Variants in DNAH11 observed in about 807,000 individuals in gnomAD.
The protein encoded by DNAH11 is dynein axonemal heavy chain 11, also known as axonemal beta dynein heavy chain 11.
DNAH11 carries 442 observed loss-of-function variants against 526.0 expected under a neutral mutation model. The ratio of observed to expected loss-of-function variants is 0.84; its 90% CI spans 0.78 to 0.91. The LOEUF (loss-of-function observed/expected upper bound fraction) is 0.91. Ranked by LOEUF, DNAH11 falls within the 40% of genes least tolerant of loss-of-function variation. The pLI, the probability that DNAH11 is intolerant of heterozygous loss-of-function variation, is 0.00. For synonymous variants in DNAH11, 2,461 were observed against 1,935.9 expected (o/e 1.27, Z -7.12); for missense variants, 6,989 against 5,448.7 (o/e 1.28, Z -8.90).
chr7:21,630,501 G>T (rs1260487964), intron 25 of DNAH11, among the ~76,000 whole-genome samples: 1 of 152,150 alleles, frequency 6.6e-6, no homozygotes, highest in African/African-American at 2.4e-5. Flanking sequence ...AAACTATTCT[G>T]GTGGTGGCGA....
intron 79 of DNAH11, among the ~76,000 whole-genome samples, chr7:21,895,685 C>T (rs760399909): frequency 5.9e-5 from 9 of 152,126 alleles, no homozygotes; most frequent in Non-Finnish European, 8.8e-5. Context: ...TGTACCATTC[C>T]TATTATTTTA....
At position 21,717,764 on chromosome 7, in the gene DNAH11, T is replaced by A; in HGVS notation, c.6984-11T>A. On this transcript the variant is annotated splice_polypyrimidine_tract_variant and intron_variant, in intron 42 of 81. Transcript: ENST00000409508. ...AGTGTTCAATAAAAGCTTTTCTGTG[T>A]TCCTTTTCAGGTATGTGGCCAGTTG... 6.2e-7 allele frequency: 1 copy of A among 1,613,658 alleles called. No individual in the cohort carries two copies. The highest frequency in any genetic ancestry group is 8.5e-7 in the Non-Finnish European group (1 of 1,179,732).
At chr7:21,692,448 T>G (rs1161343083) in intron 35 of DNAH11, among the ~76,000 whole-genome samples, 1 of 152,230 alleles carries the variant, frequency 6.6e-6, no homozygotes, top group East Asian at 1.9e-4. Context: ...TGTGTCTGGC[T>G]TCTTTGAGCA....
chr7:21,589,508 G>A lies in DNAH11; in HGVS notation c.2169+105G>A, dbSNP rs1015228209. ...AATTTACATTTGGGAAAATGTCAGAGTTGTGAGGACTGTAACTGTAAACAA... is the reference window on the plus strand; with the variant it reads ...AATTTACATTTGGGAAAATGTCAGAATTGTGAGGACTGTAACTGTAAACAA... On this transcript the variant is annotated intron_variant, in intron 12 of 81. Coordinates refer to ENST00000409508, the MANE Select transcript of DNAH11 (RefSeq NM_001277115.2). 31 of 980,928 alleles carry A rather than the reference G, an allele frequency of 3.2e-5. No homozygotes were observed. In the South Asian group the frequency reaches 5.4e-4, roughly 17 times the overall value. The allele number at this position is 980,928 out of a possible 1,614,324, so 60.8% of individuals were successfully genotyped here. A position where few individuals can be genotyped will look rare whatever the true frequency, so the allele number is the denominator to read the frequency against.
intron 27 of DNAH11, among the ~76,000 whole-genome samples, chr7:21,638,607 T>C (rs558459401): frequency 1.0e-3 from 159 of 152,236 alleles, no homozygotes; most frequent in Non-Finnish European, 1.6e-3. Context: ...CCTAGTCTTC[T>C]CCACTGCTGT....
intron 63 of DNAH11, among the ~76,000 whole-genome samples, chr7:21,809,213 T>C (rs1789402382): frequency 6.6e-6 from 1 of 152,210 alleles, no homozygotes; most frequent in Non-Finnish European, 1.5e-5. Flanking sequence ...AAGAACTTTG[T>C]CCATTTTACG....
Position 21,690,835 on chromosome 7 carries a change from T to G in DNAH11, c.5995T>G (p.Tyr1999Asp). 1 of 1,612,876 alleles carries G rather than the reference T, an allele frequency of 6.2e-7. No individual in the cohort carries two copies. Among genetic ancestry groups the G allele is most frequent in the African/African-American group, 1.3e-5 (1 of 75,016 alleles). The change falls in exon 35 of 82, where the codon TAT becomes GAT. Residue 1999 changes from tyrosine to aspartate, a missense_variant. Coordinates refer to ENST00000409508, the MANE Select transcript of DNAH11 (RefSeq NM_001277115.2). ...VGIFITMNPG[Y>D]AGRTELPENL... ...AATATTTATTACTATGAACCCGGGT[T>G]ATGCTGGTCGAACCGAATTACCGGA...
chr7:21,788,004 C>T (rs536570314), intron 60 of DNAH11, among the ~76,000 whole-genome samples: 20 of 152,292 alleles, frequency 1.3e-4, no homozygotes, highest in African/African-American at 2.6e-4. Context: ...ATAACCATTT[C>T]TTTGCTTTAG....
chr7:21,551,664 C>G (rs1783028360), intron 2 of DNAH11, among the ~76,000 whole-genome samples: 1 of 152,190 alleles, frequency 6.6e-6, no homozygotes, highest in Non-Finnish European at 1.5e-5. Flanking sequence ...GCCATTATGT[C>G]TCTTGCCATC....
At chr7:21,877,392 T>A (rs1210017475) in intron 74 of DNAH11, among the ~76,000 whole-genome samples, 1 of 152,138 alleles carries the variant, frequency 6.6e-6, no homozygotes, top group East Asian at 1.9e-4. Context: ...AAATCCATAT[T>A]TTTAATCTTT....
chr7:21,869,274 CAGT>C (rs1319203514), intron 73 of DNAH11, among the ~76,000 whole-genome samples: 3 of 152,168 alleles, frequency 2.0e-5, no homozygotes, highest in Non-Finnish European at 4.4e-5. Flanking sequence ...CTGGAACACT[CAGT>C]AGTGCCTGAG....
chr7:21,610,847 G>T (rs747745509), intron 20 of DNAH11, among the ~76,000 whole-genome samples: 2 of 152,192 alleles, frequency 1.3e-5, no homozygotes, highest in Non-Finnish European at 2.9e-5. Context: ...ATATAAAAGA[G>T]CCTAAGGGAC....
intron 8 of DNAH11, among the ~76,000 whole-genome samples, chr7:21,573,020 G>A (rs944119399): frequency 6.6e-6 from 1 of 152,204 alleles, no homozygotes; most frequent in Non-Finnish European, 1.5e-5. Flanking sequence ...TGGAGGAGGA[G>A]TGTGAGACTG....
chr7:21,658,919 C>T lies in DNAH11; in HGVS notation c.5216C>T (p.Ala1739Val), dbSNP rs1357757602. Reference protein sequence around the residue: ...PRELWIFDFPAQVALTSSQIW... With the variant: ...PRELWIFDFPVQVALTSSQIW... ...GAACTGTGGATTTTTGATTTCCCAG[C>T]TCAGGTTGCACTAACCAGCTCACAA... Residue 1739 changes from alanine to valine, a missense_variant, in exon 30 of 82, where the codon GCT (alanine) becomes GTT (valine). Transcript: ENST00000409508. The T allele has an allele frequency of 1.9e-6, 3 of 1,610,340 alleles. No individual in the cohort carries two copies. The African/African-American group carries it at 4.0e-5, about 22-fold the overall frequency.
At chr7:21,692,307 A>G (rs1783665693) in intron 35 of DNAH11, among the ~76,000 whole-genome samples, 1 of 152,206 alleles carries the variant, frequency 6.6e-6, no homozygotes, top group East Asian at 1.9e-4. Flanking sequence ...GAATATTTCC[A>G]CACCCCCAGA....
In DNAH11 at chr7:21,667,769, G is replaced by A. The variant is rs118054881; in HGVS notation, c.5328+8738G>A. Reference sequence around the variant, plus strand: ...CCCTGTAAGAGATTTTAAAATGACTGTGTACGTATGTGATTTTTTTTGCTA... The same window carrying A: ...CCCTGTAAGAGATTTTAAAATGACTATGTACGTATGTGATTTTTTTTGCTA... On this transcript the variant is annotated intron_variant, in intron 30 of 81. Coordinates refer to ENST00000409508, the MANE Select transcript of DNAH11 (RefSeq NM_001277115.2). 8.1e-3 allele frequency among the ~76,000 whole-genome samples: 1,228 copies of A among 152,196 alleles called. 44 individuals carry two copies. In the South Asian group the frequency reaches 0.089, roughly 11 times the overall value.
In DNAH11 at chr7:21,749,697, A is replaced by C. The variant is rs921681317; in HGVS notation, c.8693A>C (p.Tyr2898Ser). 2 of 1,613,900 alleles carry C rather than the reference A, an allele frequency of 1.2e-6. No homozygotes were observed. The highest frequency in any genetic ancestry group is 2.2e-5 in the East Asian group (1 of 44,854). ...QELRVDLANL[Y>S]IRTGAKNMPT... ...TTACAGGTAGATCTTGCCAATTTGT[A>C]CATCCGAACTGGAGCCAAGAACATG... is the stretch of plus-strand genomic sequence containing the variant. The change falls in exon 53 of 82, where the codon TAC (tyrosine) becomes TCC (serine). Residue 2898 changes from tyrosine to serine, a missense_variant. Coordinates refer to ENST00000409508, the MANE Select transcript of DNAH11 (RefSeq NM_001277115.2).
intron 6 of DNAH11, among the ~76,000 whole-genome samples, chr7:21,566,521 C>A (rs534088284): frequency 1.3e-5 from 2 of 151,972 alleles, no homozygotes; most frequent in East Asian, 3.9e-4. Flanking sequence ...AGGAGCTTTT[C>A]CAAGCCCTTT....
intron 6 of DNAH11, among the ~76,000 whole-genome samples, chr7:21,566,415 C>G (rs1310499837): frequency 6.6e-6 from 1 of 152,112 alleles, no homozygotes; most frequent in South Asian, 2.1e-4. Context: ...TAGCCAATGT[C>G]CATAGCTGGT....
Sources: allele counts gnomAD v4.1 joint callset (sites outside exome capture counted in the v4.1 genomes callset), GRCh38; gene constraint gnomAD v4.1.1; transcripts MANE v1.5; gene names NCBI Gene and HGNC (gene_info 2026-07-23, HGNC 2026-07-21).